RBFOX1: variants seen among roughly 807,000 people sequenced by gnomAD.
The protein encoded by RBFOX1 is RNA binding protein fox-1 homolog 1.
Under a neutral mutation model 57.7 loss-of-function variants are expected in RBFOX1, and 8 were observed. That is an observed-to-expected ratio of 0.14 (90% CI 0.08 to 0.25). The LOEUF (loss-of-function observed/expected upper bound fraction) is 0.25, where lower values mean the gene tolerates loss of function less well. Ranked by LOEUF, RBFOX1 falls within the 10% of genes least tolerant of loss-of-function variation. The pLI is 1.00. For missense variants in RBFOX1, 611 were observed against 548.5 expected, an observed-to-expected ratio of 1.11 and a Z score of -1.14; for synonymous variants, 326 against 222.4, an observed-to-expected ratio of 1.47 and a Z score of -4.15.
chr16:7,154,802 T>G (rs1269331050), intron 4 of RBFOX1, among the ~76,000 whole-genome samples: 4 of 151,620 alleles, frequency 2.6e-5, no homozygotes. Context: ...TTTTACCAAA[T>G]GCTTTATGAG....
chr16:5,805,083 C>G lies in RBFOX1; in HGVS notation c.319-62220C>G, dbSNP rs1170617786. On this transcript the variant is annotated intron_variant, in intron 3 of 19. Coordinates refer to the RBFOX1 transcript ENST00000641259. The stretch of plus-strand genomic sequence containing the variant: ...GTTGTTTGAATCAAAAGAAGGTGAT[C>G]TAGTGTGGATTTGGGCTAAAAGCTG... Among the ~76,000 whole-genome samples the G allele has an allele frequency of 7.2e-5, 11 of 152,042 alleles. 1 individual carries two copies. In the East Asian group the frequency reaches 2.1e-3, roughly 29 times the overall value.
intron 2 of RBFOX1, among the ~76,000 whole-genome samples, chr16:5,510,236 G>T (rs2043534522): frequency 6.6e-6 from 1 of 152,228 alleles, no homozygotes; most frequent in Non-Finnish European, 1.5e-5. Context: ...GACCTCAGTG[G>T]CTTCAGCAGC....
At chr16:7,196,067 ATTATTATTATTG>A (rs1176791887) in intron 4 of RBFOX1, among the ~76,000 whole-genome samples, 5 of 151,584 alleles carry the variant, frequency 3.3e-5, no homozygotes, top group East Asian at 1.9e-4. Context: ...AGTTTTAATT[ATTATTATTATTG>A]TTATTATTAT....
At chr16:7,219,341 C>G (rs923969463) in intron 4 of RBFOX1, among the ~76,000 whole-genome samples, 1 of 152,132 alleles carries the variant, frequency 6.6e-6, no homozygotes, top group Non-Finnish European at 1.5e-5. Context: ...GCTGCAAGAT[C>G]GAGCTGAATA....
At chr16:6,159,836 G>A (rs1376389376) in intron 1 of RBFOX1, among the ~76,000 whole-genome samples, 2 of 152,152 alleles carry the variant, frequency 1.3e-5, no homozygotes, top group Non-Finnish European at 2.9e-5. Context: ...AAGTAACATT[G>A]CTTTTCCAAA....
At chr16:6,078,586 A>G (rs1346067919) in intron 1 of RBFOX1, among the ~76,000 whole-genome samples, 1 of 152,032 alleles carries the variant, frequency 6.6e-6, no homozygotes, top group African/African-American at 2.4e-5. Context: ...AAGTTAGTTA[A>G]CCTCTCTGAT....
intron 4 of RBFOX1, among the ~76,000 whole-genome samples, chr16:7,188,469 A>C (rs547693018): frequency 1.3e-4 from 20 of 152,318 alleles, no homozygotes; most frequent in Admixed American, 1.2e-3. Flanking sequence ...ACAGAGGTCT[A>C]ATATGGACCC....
intron 3 of RBFOX1, among the ~76,000 whole-genome samples, chr16:6,913,045 G>T (rs1368794190): frequency 3.9e-5 from 6 of 152,090 alleles, no homozygotes; most frequent in Non-Finnish European, 8.8e-5. Context: ...CTTCTGATGG[G>T]TGGAAAAGAA....
intron 1 of RBFOX1, among the ~76,000 whole-genome samples, chr16:5,399,334 G>A (rs2066649965): frequency 6.6e-6 from 1 of 152,160 alleles, no homozygotes; most frequent in South Asian, 2.1e-4. Context: ...GCCAAAAGTA[G>A]ATATTGGAGT....
chr16:5,380,984 G>A (rs1398202623), intron 1 of RBFOX1, among the ~76,000 whole-genome samples: 1 of 152,210 alleles, frequency 6.6e-6, no homozygotes, highest in African/African-American at 2.4e-5. Flanking sequence ...TAAAGATCTG[G>A]ATTTTTTTTA....
chr16:5,757,475 C>T (rs753462613), intron 3 of RBFOX1, among the ~76,000 whole-genome samples: 11 of 151,980 alleles, frequency 7.2e-5, no homozygotes, highest in Non-Finnish European at 1.2e-4. Flanking sequence ...TGTGATCTGC[C>T]CTCCTCAGCC....
intron 5 of RBFOX1, among the ~76,000 whole-genome samples, chr16:7,544,360 C>G (rs961226663): frequency 4.6e-5 from 7 of 152,132 alleles, no homozygotes; most frequent in Non-Finnish European, 7.3e-5. Flanking sequence ...AGTGTCCCCC[C>G]AAATTTATGT....
intron 1 of RBFOX1, among the ~76,000 whole-genome samples, chr16:6,098,879 T>C (rs1175939896): frequency 1.3e-5 from 2 of 152,094 alleles, no homozygotes; most frequent in Non-Finnish European, 2.9e-5. Context: ...GGCTGGTAAA[T>C]AATTGGGAGG....
chr16:6,622,285 A>G (rs1014781959), intron 2 of RBFOX1, among the ~76,000 whole-genome samples: 1 of 152,214 alleles, frequency 6.6e-6, no homozygotes, highest in Non-Finnish European at 1.5e-5. Flanking sequence ...GTGGTCCTAT[A>G]AGATTATAAT....
At chr16:5,526,168 T>C (rs907324669) in intron 2 of RBFOX1, among the ~76,000 whole-genome samples, 5 of 152,196 alleles carry the variant, frequency 3.3e-5, no homozygotes, top group African/African-American at 1.2e-4. Flanking sequence ...TCTTCCCTGA[T>C]GTTCATGGGT....
At chr16:5,751,968 T>C (rs7200122) in intron 3 of RBFOX1, among the ~76,000 whole-genome samples, 25,398 of 152,168 alleles carry the variant, frequency 0.17, 2,294 homozygotes, top group African/African-American at 0.21. Flanking sequence ...TAAAGATACA[T>C]GCATGTGTAT....
chr16:6,434,895 T>A (rs1050203305), intron 2 of RBFOX1, among the ~76,000 whole-genome samples: 1 of 152,118 alleles, frequency 6.6e-6, no homozygotes, highest in Non-Finnish European at 1.5e-5. Flanking sequence ...CCCCAGGAGG[T>A]TAAATGATAA....
chr16:6,699,710 A>C (rs969352159), intron 3 of RBFOX1, among the ~76,000 whole-genome samples: 1 of 152,160 alleles, frequency 6.6e-6, no homozygotes, highest in African/African-American at 2.4e-5. Flanking sequence ...AAGGACATAA[A>C]ATGAATGATC....
chr16:5,561,361 C>A (rs889475663), intron 2 of RBFOX1, among the ~76,000 whole-genome samples: 7 of 151,988 alleles, frequency 4.6e-5, no homozygotes, highest in African/African-American at 1.7e-4. Flanking sequence ...AAAAAGGGGA[C>A]CTATAGCTTC....
Sources: gnomAD v4.1 joint callset for allele counts (sites outside exome capture counted in the v4.1 genomes callset) on GRCh38, gnomAD v4.1.1 for gene constraint, MANE v1.5 for transcripts, NCBI Gene and HGNC (gene_info 2026-07-23, HGNC 2026-07-21) for gene names.